The following B3GLCT variants were observed in gnomAD, a reference collection of about 807,000 sequenced individuals.
B3GLCT encodes the protein beta-1,3-glucosyltransferase.
B3GLCT carries 65 observed loss-of-function variants against 63.4 expected under a neutral mutation model. That is an observed-to-expected ratio of 1.03 (90% CI 0.84 to 1.26). B3GLCT has a LOEUF of 1.26. Ranked by LOEUF, B3GLCT falls within the 50% of genes most tolerant of loss-of-function variation. B3GLCT has a pLI of 0.00. For synonymous variants in B3GLCT, 233 were observed against 219.2 expected (o/e 1.06, Z -0.55); for missense variants, 577 against 604.8 (o/e 0.95, Z 0.48).
In B3GLCT at chr13:31,330,514, A is replaced by G. The variant is rs1218832145; in HGVS notation, c.*846A>G. On this transcript the variant is annotated 3_prime_UTR_variant, in exon 15 of 15. Transcript: ENST00000343307. The stretch of plus-strand genomic sequence containing the variant: ...CTATGTGAGTCTCAGGAAGTGAATT[A>G]AATTTGGACCTTATGTTTTACTCTT... The G allele has an allele frequency of 6.6e-6, 1 of 151,162 alleles. No individual in the cohort carries two copies. Among genetic ancestry groups the G allele is most frequent in the Non-Finnish European group, 1.5e-5 (1 of 67,896 alleles). 9.4% of individuals were successfully genotyped at this position (151,162 alleles called of 1,614,324 possible).
Position 31,254,142 on chromosome 13 carries a change from A to G in B3GLCT, c.459+6176A>G, listed in dbSNP as rs140182244. 8.5e-3 allele frequency among the ~76,000 whole-genome samples: 1,289 copies of G among 152,312 alleles called. 12 individuals carry two copies. Among genetic ancestry groups the G allele is most frequent in the African/African-American group, 0.028 (1,180 of 41,554 alleles). On this transcript the variant is annotated intron_variant, in intron 6 of 14. Transcript: ENST00000343307. ...ATTCCTTCTGAAACTACTCCAAACAATAGAAAAAGAGGGAATCCTCCCTAA... is the reference window on the plus strand; with the variant it reads ...ATTCCTTCTGAAACTACTCCAAACAGTAGAAAAAGAGGGAATCCTCCCTAA...
At chr13:31,263,154 T>C (rs1344419485) in intron 7 of B3GLCT, among the ~76,000 whole-genome samples, 1 of 152,168 alleles carries the variant, frequency 6.6e-6, no homozygotes, top group Non-Finnish European at 1.5e-5. Flanking sequence ...TGCCTTCTGA[T>C]CCAGGAGGCC....
chr13:31,234,041 A>G (rs1171631467), intron 4 of B3GLCT, among the ~76,000 whole-genome samples: 3 of 149,932 alleles, frequency 2.0e-5, no homozygotes, highest in African/African-American at 7.4e-5. Context: ...TTTTTGAGAT[A>G]GAGTCTCACT....
Position 31,331,390 on chromosome 13 carries a change from T to C in B3GLCT, c.*1722T>C, listed in dbSNP as rs1198805259. 8.6e-6 allele frequency: 1 copy of C among 115,636 alleles called. No individual in the cohort carries two copies. Among genetic ancestry groups the C allele is most frequent in the East Asian group, 2.3e-4 (1 of 4,268 alleles). The allele number at this position is 115,636 out of a possible 1,614,324, so 7.2% of individuals were successfully genotyped here. A position where few individuals can be genotyped will look rare whatever the true frequency, so the allele number is the denominator to read the frequency against. ...CCGTATATGAAGATCCTTGTCAAGC[T>C]TTCTTCTGTGGTCTGATTAGTGCCT... On this transcript the variant is annotated 3_prime_UTR_variant, in exon 15 of 15. Coordinates refer to ENST00000343307, the MANE Select transcript of B3GLCT (RefSeq NM_194318.4).
At chr13:31,289,656 T>G (rs2137886091) in intron 12 of B3GLCT, among the ~76,000 whole-genome samples, 1 of 152,072 alleles carries the variant, frequency 6.6e-6, no homozygotes, top group African/African-American at 2.4e-5. Context: ...TTTTATATCC[T>G]GCCAGAATAA....
rs755983903 is a variant in B3GLCT at position 31,229,177 on chromosome 13, T to G, written c.161-8T>G. The stretch of plus-strand genomic sequence containing the variant: ...GAAATACCTGAAAACTATTTTTTTT[T>G]GTTCTAGACTTAAAAGGAATTGTAT... On this transcript the variant is annotated splice_polypyrimidine_tract_variant and splice_region_variant and intron_variant, in intron 3 of 14. Coordinates refer to ENST00000343307, the MANE Select transcript of B3GLCT (RefSeq NM_194318.4). The G allele has an allele frequency of 3.9e-6, 6 of 1,536,350 alleles. No individual in the cohort carries two copies. The highest frequency in any genetic ancestry group is 1.7e-5 in the Admixed American group (1 of 59,418).
Position 31,215,040 on chromosome 13 carries a change from T to C in B3GLCT, c.71-11T>C. On this transcript the variant is annotated splice_polypyrimidine_tract_variant and intron_variant, in intron 1 of 14. Coordinates refer to ENST00000343307, the MANE Select transcript of B3GLCT (RefSeq NM_194318.4). ...CTAAGGTAGAAATATTTCTTTTTTTTTTTTTTCCAGCTTTTGGTTTGGCTT... is the reference window on the plus strand; with the variant it reads ...CTAAGGTAGAAATATTTCTTTTTTTCTTTTTTCCAGCTTTTGGTTTGGCTT... The C allele has an allele frequency of 1.2e-6, 2 of 1,606,968 alleles. No homozygotes were observed. The highest frequency in any genetic ancestry group is 1.7e-6 in the Non-Finnish European group (2 of 1,178,550).
intron 2 of B3GLCT, among the ~76,000 whole-genome samples, chr13:31,221,427 G>A (rs571727937): frequency 2.0e-5 from 3 of 152,294 alleles, no homozygotes; most frequent in South Asian, 4.1e-4. Flanking sequence ...CCTGGCTTTG[G>A]TTCAGTGCAT....
intron 12 of B3GLCT, among the ~76,000 whole-genome samples, chr13:31,290,732 T>C (rs1174428249): frequency 6.6e-6 from 1 of 152,210 alleles, no homozygotes. Context: ...GTAAATTTGT[T>C]TAAGTTCTTT....
At chr13:31,270,761 G>A (rs1872545321) in intron 8 of B3GLCT, among the ~76,000 whole-genome samples, 2 of 152,062 alleles carry the variant, frequency 1.3e-5, no homozygotes, top group Non-Finnish European at 1.5e-5. Flanking sequence ...ATGTAATTTT[G>A]CATCCTTTTG....
At chr13:31,229,811 ATTT>A (rs959699989) in intron 4 of B3GLCT, among the ~76,000 whole-genome samples, 1 of 147,926 alleles carries the variant, frequency 6.8e-6, no homozygotes, top group African/African-American at 2.5e-5. Flanking sequence ...CATATTCTGA[ATTT>A]TTTTTTGTGT....
chr13:31,330,987 A>G lies in B3GLCT; in HGVS notation c.*1319A>G, dbSNP rs1185628847. The G allele has an allele frequency of 6.6e-6, 1 of 152,118 alleles. No individual in the cohort carries two copies. Among genetic ancestry groups the G allele is most frequent in the Non-Finnish European group, 1.5e-5 (1 of 68,028 alleles). 9.4% of individuals were successfully genotyped at this position (152,118 alleles called of 1,614,324 possible). A position where few individuals can be genotyped will look rare whatever the true frequency, so the allele number is the denominator to read the frequency against. On this transcript the variant is annotated 3_prime_UTR_variant, in exon 15 of 15. Coordinates refer to ENST00000343307, the MANE Select transcript of B3GLCT (RefSeq NM_194318.4). Reference sequence around the variant, plus strand: ...ATTGACTATTTGCAATAGTATTAGTATTTACCATTTTTCCAAATTAGCAAC... The same window carrying G: ...ATTGACTATTTGCAATAGTATTAGTGTTTACCATTTTTCCAAATTAGCAAC...
At chr13:31,262,615 C>A (rs1872093360) in intron 7 of B3GLCT, among the ~76,000 whole-genome samples, 1 of 152,172 alleles carries the variant, frequency 6.6e-6, no homozygotes, top group Non-Finnish European at 1.5e-5. Context: ...TTTGCTACAG[C>A]TTGAGGACCA....
chr13:31,298,031 T>C (rs1372853548), intron 12 of B3GLCT, among the ~76,000 whole-genome samples: 1 of 152,178 alleles, frequency 6.6e-6, no homozygotes, highest in African/African-American at 2.4e-5. Flanking sequence ...GATTAAACCA[T>C]TGGCCACTGA....
chr13:31,293,156 TG>T (rs1873764867), intron 12 of B3GLCT, among the ~76,000 whole-genome samples: 2 of 152,368 alleles, frequency 1.3e-5, no homozygotes, highest in Admixed American at 1.3e-4. Flanking sequence ...TTGATTTCAC[TG>T]TAGTCTGAGA....
In B3GLCT at chr13:31,259,133, G is replaced by A. The variant is rs149967050; in HGVS notation, c.460-1813G>A. ...CTTGTTTATAAATTGTAGTTCTTTG[G>A]TGCAATTTAAAAAATCTTTTTATCC... On this transcript the variant is annotated intron_variant, in intron 6 of 14. Coordinates refer to ENST00000343307, the MANE Select transcript of B3GLCT (RefSeq NM_194318.4). 2.3e-3 allele frequency among the ~76,000 whole-genome samples: 355 copies of A among 152,026 alleles called. 2 individuals are homozygous for A. Among genetic ancestry groups the A allele is most frequent in the African/African-American group, 7.7e-3 (321 of 41,466 alleles).
chr13:31,203,185 A>C (rs1355341885), intron 1 of B3GLCT, among the ~76,000 whole-genome samples: 1 of 152,144 alleles, frequency 6.6e-6, no homozygotes, highest in Admixed American at 6.5e-5. Context: ...ATGAGTCAGA[A>C]ATTTTAGGAC....
chr13:31,239,086 C>A (rs1870800539), intron 4 of B3GLCT, among the ~76,000 whole-genome samples: 1 of 152,118 alleles, frequency 6.6e-6, no homozygotes, highest in South Asian at 2.1e-4. Context: ...AGAAGGTCTG[C>A]TTTTGGGATG....
At chr13:31,244,746 T>C (rs1242112570) in intron 4 of B3GLCT, among the ~76,000 whole-genome samples, 3 of 151,046 alleles carry the variant, frequency 2.0e-5, no homozygotes, top group Non-Finnish European at 4.4e-5. Flanking sequence ...CATATATATA[T>C]ATGTGTATAT....
Sources: gnomAD v4.1 joint callset for allele counts (sites outside exome capture counted in the v4.1 genomes callset) on GRCh38, gnomAD v4.1.1 for gene constraint, MANE v1.5 for transcripts, NCBI Gene and HGNC (gene_info 2026-07-23, HGNC 2026-07-21) for gene names.